The following ST14 variants were observed in gnomAD, a reference collection of about 807,000 sequenced individuals.
The protein encoded by ST14 is suppressor of tumorigenicity 14 protein.
ST14 carries 40 observed loss-of-function variants against 96.5 expected under a neutral mutation model. The ratio of observed to expected loss-of-function variants is 0.41; its 90% CI spans 0.32 to 0.54. ST14 has a LOEUF of 0.54. Ranked by LOEUF, ST14 falls within the 20% of genes least tolerant of loss-of-function variation. The pLI, the probability that ST14 is intolerant of heterozygous loss-of-function variation, is 0.17. For missense variants in ST14, 1,066 were observed against 1,188.9 expected, an observed-to-expected ratio of 0.90 and a Z score of 1.52; for synonymous variants, 506 against 492.1, an observed-to-expected ratio of 1.03 and a Z score of -0.37.
intron 1 of ST14, among the ~76,000 whole-genome samples, chr11:130,168,605 C>A (rs1054597194): frequency 6.6e-6 from 1 of 152,152 alleles, no homozygotes; most frequent in Non-Finnish European, 1.5e-5. Context: ...GATGGTCTCG[C>A]GAGGATGAGA....
intron 11 of ST14, 29 bp downstream of exon 11, chr11:130,196,729 G>C (rs1434295448): frequency 6.2e-7 from 1 of 1,614,060 alleles, no homozygotes; most frequent in African/African-American, 1.3e-5. Context: ...GAGGAGGGCT[G>C]GCGGGGGCCT....
At chr11:130,174,588 A>G (rs757434271) in intron 1 of ST14, among the ~76,000 whole-genome samples, 68 of 152,358 alleles carry the variant, frequency 4.5e-4, no homozygotes, top group Non-Finnish European at 7.9e-4. Context: ...ACTCCATCTT[A>G]GAAAAAGACT....
chr11:130,164,717 C>A (rs1486180061), intron 1 of ST14, among the ~76,000 whole-genome samples: 3 of 124,060 alleles, frequency 2.4e-5, no homozygotes, highest in Non-Finnish European at 4.7e-5. Context: ...CCACACCCAG[C>A]CTTATTATTA....
intron 1 of ST14, among the ~76,000 whole-genome samples, chr11:130,173,651 G>C (rs1004317806): frequency 6.6e-6 from 1 of 151,732 alleles, no homozygotes; most frequent in African/African-American, 2.4e-5. Context: ...GACCTTAACA[G>C]CACAAGTCTG....
At chr11:130,205,795 T>C (rs1237860506) in intron 16 of ST14, among the ~76,000 whole-genome samples, 1 of 149,728 alleles carries the variant, frequency 6.7e-6, no homozygotes, top group Admixed American at 6.7e-5. Flanking sequence ...ACCTCCCAGG[T>C]TCAGGTGATT....
Position 130,203,109 on chromosome 11 carries a change from C to T in ST14, c.1994+2972C>T, listed in dbSNP as rs557621640. Among the ~76,000 whole-genome samples the T allele has an allele frequency of 1.2e-4, 18 of 152,196 alleles. No homozygotes were observed. The South Asian group carries it at 1.7e-3, about 14-fold the overall frequency. On this transcript the variant is annotated intron_variant, in intron 16 of 18. Coordinates refer to ENST00000278742, the MANE Select transcript of ST14 (RefSeq NM_021978.4). ...GTTTGCAGACAGGGCTTCATGAAAG[C>T]GGGGTCTTGAGCTGAGGTCGCCAGG...
At chr11:130,167,076 C>T (rs541393707) in intron 1 of ST14, among the ~76,000 whole-genome samples, 4 of 152,142 alleles carry the variant, frequency 2.6e-5, no homozygotes, top group East Asian at 1.9e-4. Flanking sequence ...CCAGGCATGG[C>T]GGTGGGCACC....
rs1555156477 is a variant in ST14 at position 130,208,638 on chromosome 11, C to T, written c.2223C>T (p.Ala741=). ...CLPDASHVFP[A]GKAIWVTGWG... ...CGGACGCCTCCCATGTCTTCCCTGC[C>T]GGCAAGGCCATCTGGGTCACGGGCT... The change falls in exon 17 of 19, where the codon GCC becomes GCT. Residue 741 remains alanine, a synonymous_variant. Coordinates refer to ENST00000278742, the MANE Select transcript of ST14 (RefSeq NM_021978.4). 7.4e-6 allele frequency: 12 copies of T among 1,613,890 alleles called. No individual in the cohort carries two copies. The highest frequency in any genetic ancestry group is 6.6e-5 in the South Asian group (6 of 91,060).
chr11:130,163,468 C>CA (rs542965125), intron 1 of ST14, among the ~76,000 whole-genome samples: 1 of 152,148 alleles, frequency 6.6e-6, no homozygotes, highest in South Asian at 2.1e-4. Context: ...AGGCTGGACT[C>CA]AAACTCTTGG....
intron 16 of ST14, among the ~76,000 whole-genome samples, chr11:130,205,495 CTGTT>C (rs572555846): frequency 1.4e-4 from 21 of 152,298 alleles, no homozygotes; most frequent in African/African-American, 5.1e-4. Context: ...TGCTTTCTCT[CTGTT>C]TGCACCCGCA....
intron 1 of ST14, among the ~76,000 whole-genome samples, chr11:130,179,581 T>C (rs1054326821): frequency 6.6e-6 from 1 of 152,188 alleles, no homozygotes; most frequent in Non-Finnish European, 1.5e-5. Flanking sequence ...GACCGCCTGC[T>C]CTGTGCACAG....
At chr11:130,182,682 C>T (rs530148154) in intron 1 of ST14, among the ~76,000 whole-genome samples, 1 of 150,848 alleles carries the variant, frequency 6.6e-6, no homozygotes, top group African/African-American at 2.4e-5. Flanking sequence ...CCGAGTCTCA[C>T]TCTGTTGCCC....
intron 17 of ST14, among the ~76,000 whole-genome samples, chr11:130,209,214 C>T (rs1953520850): frequency 6.6e-6 from 1 of 152,116 alleles, no homozygotes; most frequent in South Asian, 2.1e-4. Context: ...CTGCTTGCCA[C>T]GGCGTCTGTT....
chr11:130,172,958 A>G (rs1374729524), intron 1 of ST14, among the ~76,000 whole-genome samples: 2 of 152,198 alleles, frequency 1.3e-5, no homozygotes, highest in Non-Finnish European at 2.9e-5. Flanking sequence ...AACCAGCTTC[A>G]GTGAGGACTG....
intron 10 of ST14, 25 bp downstream of exon 10, chr11:130,196,473 T>G (rs757333604): frequency 1.0e-5 from 16 of 1,597,972 alleles, no homozygotes; most frequent in Non-Finnish European, 1.4e-5. Flanking sequence ...GTATGGGGGC[T>G]GCCGGGCCCA....
chr11:130,196,553 C>T lies in ST14; in HGVS notation c.1224-17C>T. 6.7e-7 allele frequency: 1 copy of T among 1,490,738 alleles called. No individual in the cohort carries two copies. The highest frequency in any genetic ancestry group is 1.7e-4 in the Middle Eastern group (1 of 5,786). 92.3% of individuals were successfully genotyped at this position (1,490,738 alleles called of 1,614,324 possible). ...CCCAGCTGTCCCTCCTCACCTTGTG[C>T]CCCGCCCCCCCTCCAGATACTGCGG... On this transcript the variant is annotated splice_polypyrimidine_tract_variant and intron_variant, in intron 10 of 18. Transcript: ENST00000278742.
intron 1 of ST14, among the ~76,000 whole-genome samples, chr11:130,167,463 T>C (rs1247285108): frequency 6.6e-6 from 1 of 152,226 alleles, no homozygotes; most frequent in Non-Finnish European, 1.5e-5. Flanking sequence ...TGTGTGTGTG[T>C]TCTGCTGTTT....
chr11:130,190,331 G>A (rs1347138070), intron 6 of ST14, 123 bp from the exon 7 acceptor site: 5 of 1,537,358 alleles, frequency 3.3e-6, no homozygotes, highest in Non-Finnish European at 4.4e-6. Context: ...CCGAGGCCCA[G>A]GGCAGCCTGG....
rs767786328 is a variant in ST14, at chr11:130,199,117, A to G, written c.1807+48A>G. On this transcript the variant is annotated intron_variant, in intron 15 of 18. Coordinates refer to ENST00000278742, the MANE Select transcript of ST14 (RefSeq NM_021978.4). ...GTTGTGCAGGTTGTTCACTGTGTGAAGTGCCCACCAGAGGGTGCACCTGGA... is the reference window on the plus strand; with the variant it reads ...GTTGTGCAGGTTGTTCACTGTGTGAGGTGCCCACCAGAGGGTGCACCTGGA... 2.5e-6 allele frequency: 4 copies of G among 1,586,510 alleles called. No individual in the cohort carries two copies. The African/African-American group carries it at 4.0e-5, about 16-fold the overall frequency.
Sources: gnomAD v4.1 joint callset for allele counts (sites outside exome capture counted in the v4.1 genomes callset) on GRCh38, gnomAD v4.1.1 for gene constraint, MANE v1.5 for transcripts, NCBI Gene and HGNC (gene_info 2026-07-23, HGNC 2026-07-21) for gene names.